TRIM36: variants seen among roughly 807,000 people sequenced by gnomAD.
The protein encoded by TRIM36 is tripartite motif containing 36, also known as E3 ubiquitin-protein ligase TRIM36.
Under a neutral mutation model 72.4 loss-of-function variants are expected in TRIM36, and 42 were observed. The ratio of observed to expected loss-of-function variants is 0.58; its 90% confidence interval spans 0.45 to 0.75. The LOEUF is 0.75. Ranked by LOEUF, TRIM36 falls within the 30% of genes least tolerant of loss-of-function variation. TRIM36 has a pLI of 0.00. For synonymous variants in TRIM36, 315 were observed against 282.8 expected, an observed-to-expected ratio of 1.11 and a Z score of -1.14; for missense variants, 913 against 857.1, an observed-to-expected ratio of 1.07 and a Z score of -0.81.
chr5:115,168,716 C>T (rs1256983138), intron 1 of TRIM36, among the ~76,000 whole-genome samples: 1 of 152,210 alleles, frequency 6.6e-6, no homozygotes, highest in Non-Finnish European at 1.5e-5. Flanking sequence ...CTAAACCTCA[C>T]AATTCACATC....
intron 5 of TRIM36, among the ~76,000 whole-genome samples, chr5:115,138,612 G>C (rs1753100844): frequency 6.6e-6 from 1 of 151,932 alleles, no homozygotes; most frequent in African/African-American, 2.4e-5. Flanking sequence ...GATTTTAAAA[G>C]GTTATTTACA....
At chr5:115,154,189 G>GAAAGTTCACAA (rs1754042649) in intron 2 of TRIM36, among the ~76,000 whole-genome samples, 2 of 151,958 alleles carry the variant, frequency 1.3e-5, no homozygotes, top group South Asian at 2.1e-4. Context: ...CAAAGGCAGT[G>GAAAGTTCACAA]CTAAGACGAA....
intron 8 of TRIM36, 74 bp downstream of exon 8, chr5:115,133,786 T>C (rs562855317): frequency 3.5e-6 from 5 of 1,445,088 alleles, no homozygotes; most frequent in East Asian, 2.3e-5. Context: ...TACATGGAGA[T>C]ACTGACTAGT....
rs553260060 is a variant in TRIM36, at chr5:115,137,255, C to T, written c.1085+108G>A. The T allele has an allele frequency of 4.8e-5, 72 of 1,485,652 alleles. No homozygotes were observed. In the African/African-American group the frequency reaches 8.3e-4, roughly 17 times the overall value. The allele number at this position is 1,485,652 out of a possible 1,614,324, so 92.0% of individuals were successfully genotyped here. ...AAGTTAAGAATGAGGCAAGATGTAC[C>T]TCACATTAACACAGCATTATGGACC... On this transcript the variant is annotated intron_variant, in intron 6 of 9. Transcript: ENST00000513154.
chr5:115,124,907 G>A lies in TRIM36; in HGVS notation c.*1596C>T, dbSNP rs758806631. ...TCATATGTGCTTGTACAAGGCTTGA[G>A]TATCAACCACAAATGTGACTTTAGC... On this transcript the variant is annotated 3_prime_UTR_variant, in exon 10 of 10. Transcript: ENST00000513154. 6.6e-6 allele frequency: 1 copy of A among 152,530 alleles called. No individual in the cohort carries two copies. The highest frequency in any genetic ancestry group is 2.4e-5 in the African/African-American group (1 of 41,454). The allele number at this position is 152,530 out of a possible 1,614,324, so 9.4% of individuals were successfully genotyped here. A position where few individuals can be genotyped will look rare whatever the true frequency, so the allele number is the denominator to read the frequency against.
At chr5:115,170,554 T>G (rs892562385), upstream of TRIM36, among the ~76,000 whole-genome samples, 3 of 152,172 alleles carry the variant, frequency 2.0e-5, no homozygotes, top group Non-Finnish European at 4.4e-5. Context: ...GCCCGGCTTG[T>G]CCCAGTTCTC....
chr5:115,143,018 G>A (rs999251994), intron 4 of TRIM36, among the ~76,000 whole-genome samples: 1 of 152,004 alleles, frequency 6.6e-6, no homozygotes, highest in African/African-American at 2.4e-5. Context: ...AGGTTGTAAG[G>A]TATGTATCTA....
intron 1 of TRIM36, among the ~76,000 whole-genome samples, chr5:115,166,351 G>C (rs542186349): frequency 6.6e-6 from 1 of 152,288 alleles, no homozygotes; most frequent in South Asian, 2.1e-4. Context: ...CCTGCCTGCA[G>C]GTAAGAGCTA....
At chr5:115,130,281 A>AT (rs1752605625) in intron 9 of TRIM36, among the ~76,000 whole-genome samples, 1 of 152,234 alleles carries the variant, frequency 6.6e-6, no homozygotes, top group South Asian at 2.1e-4. Context: ...GACGCATTGT[A>AT]TTATATACGT....
At chr5:115,133,380 T>C (rs2112782157) in intron 8 of TRIM36, among the ~76,000 whole-genome samples, 1 of 152,250 alleles carries the variant, frequency 6.6e-6, no homozygotes, top group East Asian at 1.9e-4. Flanking sequence ...GTGGTTCTAA[T>C]ATATGGCTTC....
intron 3 of TRIM36, among the ~76,000 whole-genome samples, chr5:115,146,291 T>A (rs1335384321): frequency 6.6e-6 from 1 of 152,194 alleles, no homozygotes; most frequent in South Asian, 2.1e-4. Flanking sequence ...AAAACACTTT[T>A]GAGATTTTTT....
At chr5:115,171,344 G>C (rs868722813), upstream of TRIM36, 175 of 1,394,374 alleles carry the variant, frequency 1.3e-4, 1 homozygote, top group Middle Eastern at 4.7e-4. Flanking sequence ...ATAATGCCTG[G>C]GCTGTTCTGA....
chr5:115,171,028 G>A (rs1038294502), upstream of TRIM36: 29 of 1,599,780 alleles, frequency 1.8e-5, no homozygotes, highest in Non-Finnish European at 1.4e-5. Context: ...TCATTCCTAT[G>A]TATTAGGCTT....
intron 1 of TRIM36, chr5:115,177,437 A>G (rs1015961313): frequency 1.0e-6 from 1 of 954,916 alleles, no homozygotes; most frequent in Non-Finnish European, 1.3e-6. Flanking sequence ...CTTAACTCTC[A>G]TAATTAGACC....
rs1206756665 is a variant in TRIM36 at position 115,147,074 on chromosome 5, G to T, written c.583C>A (p.Pro195Thr). 8.7e-6 allele frequency: 14 copies of T among 1,609,726 alleles called. No homozygotes were observed. The highest frequency in any genetic ancestry group is 1.1e-5 in the Non-Finnish European group (13 of 1,176,818). The part of the protein sequence containing the change: ...EYVGPTTNFR[P>T]KILMCPEHET... ...TTAATAAAAACTTCACTTACCTTGGGTCTGAAGTTAGTAGTTGGACCAACA... is the reference window on the plus strand; with the variant it reads ...TTAATAAAAACTTCACTTACCTTGGTTCTGAAGTTAGTAGTTGGACCAACA... Residue 195 changes from proline to threonine, a missense_variant, in exon 3 of 10, where the codon CCC becomes ACC. Pro to Thr is a conservative substitution (Grantham distance 38). Coordinates refer to ENST00000513154, the MANE Select transcript of TRIM36 (RefSeq NM_001300759.2).
chr5:115,167,252 C>A (rs1172968269), intron 1 of TRIM36, among the ~76,000 whole-genome samples: 2 of 152,234 alleles, frequency 1.3e-5, no homozygotes, highest in Non-Finnish European at 2.9e-5. Flanking sequence ...TGTGATGGGG[C>A]TCTCTTCATT....
intron 3 of TRIM36, among the ~76,000 whole-genome samples, chr5:115,145,199 T>C (rs1753518712): frequency 6.6e-6 from 1 of 152,112 alleles, no homozygotes; most frequent in East Asian, 1.9e-4. Flanking sequence ...GTAACAGAAA[T>C]CTGTTGCTAA....
chr5:115,133,925 G>C lies in TRIM36; in HGVS notation c.1433C>G (p.Ala478Gly), dbSNP rs778910639. The change falls in exon 8 of 10, where the codon GCT becomes GGT. Residue 478 changes from alanine to glycine, a missense_variant. Physicochemically the swap from Ala to Gly is moderately conservative, Grantham distance 60. Coordinates refer to ENST00000513154, the MANE Select transcript of TRIM36 (RefSeq NM_001300759.2). Reference protein sequence around the residue: ...NSSTYAFRVRAYKGSICSPCS... With the variant: ...NSSTYAFRVRGYKGSICSPCS... The stretch of plus-strand genomic sequence containing the variant: ...AGGACTACAGATTGAACCCTTGTAA[G>C]CTCTTACTCTGAAAGCATAGGTACT... The C allele has an allele frequency of 6.2e-7, 1 of 1,613,270 alleles. No individual in the cohort carries two copies. Among genetic ancestry groups the C allele is most frequent in the Non-Finnish European group, 8.5e-7 (1 of 1,179,662 alleles).
At chr5:115,135,517 A>C (rs1340348923) in intron 7 of TRIM36, among the ~76,000 whole-genome samples, 2 of 151,656 alleles carry the variant, frequency 1.3e-5, no homozygotes, top group Non-Finnish European at 2.9e-5. Context: ...AATGAGGGGA[A>C]GATCCATCAG....
Sources: allele counts gnomAD v4.1 joint callset (sites outside exome capture counted in the v4.1 genomes callset), GRCh38; gene constraint gnomAD v4.1.1; transcripts MANE v1.5; gene names NCBI Gene and HGNC (gene_info 2026-07-23, HGNC 2026-07-21).